The following MARCO variants were observed in gnomAD, a reference collection of about 807,000 sequenced individuals.
MARCO encodes the protein macrophage receptor with collagenous structure, also known as macrophage receptor MARCO.
In MARCO, 72 loss-of-function variants were observed where a neutral mutation model predicts 70.0. The observed-to-expected ratio is 1.03, with a 90% CI of 0.85 to 1.25. MARCO has a LOEUF of 1.25. Ranked by LOEUF, MARCO falls within the 50% of genes most tolerant of loss-of-function variation. The probability of loss-of-function intolerance (pLI) is 0.00; values close to 1 mark genes in which losing one functional copy is unlikely to be tolerated. For missense variants in MARCO, 696 were observed against 659.3 expected (o/e 1.06, Z -0.61); for synonymous variants, 273 against 243.1 (o/e 1.12, Z -1.14).
Position 118,993,313 on chromosome 2 carries a change from T to C in MARCO, c.1429+13T>C, listed in dbSNP as rs758308522. The stretch of plus-strand genomic sequence containing the variant: ...AAAGTGGGAGCTGGTAAGTGAGTCA[T>C]CAGCCGGGGGCCTCTTCCCCAGAGG... On this transcript the variant is annotated intron_variant, in intron 16 of 16. Transcript: ENST00000327097. 5.0e-6 allele frequency: 8 copies of C among 1,613,548 alleles called. No individual in the cohort carries two copies. Among genetic ancestry groups the C allele is most frequent in the Non-Finnish European group, 5.9e-6 (7 of 1,179,676 alleles).
At position 118,986,726 on chromosome 2, in the gene MARCO, G is replaced by GA. The variant is rs138583493; in HGVS notation, c.1064-3860dup. Among the ~76,000 whole-genome samples the GA allele has an allele frequency of 9.7e-4, 105 of 107,800 alleles. 11 individuals are homozygous for GA. Among genetic ancestry groups the GA allele is most frequent in the African/African-American group, 3.2e-3 (69 of 21,856 alleles). The allele number at this position is 107,800 out of a possible 152,430, so 70.7% of individuals were successfully genotyped here. On this transcript the variant is annotated intron_variant, in intron 12 of 16. Transcript: ENST00000327097. ...GAAAGAAAGAAAGAAAGAAAGAAAA[G>GA]AAAGAAAGAAAGAGAAAGAAAGAGA...
At position 118,969,148 on chromosome 2, in the gene MARCO, C is replaced by T; in HGVS notation, c.98-12C>T. 1 of 1,595,040 alleles carries T rather than the reference C, an allele frequency of 6.3e-7. No individual in the cohort carries two copies. Among genetic ancestry groups the T allele is most frequent in the Non-Finnish European group, 8.6e-7 (1 of 1,162,554 alleles). On this transcript the variant is annotated splice_polypyrimidine_tract_variant and intron_variant, in intron 1 of 16. Coordinates refer to ENST00000327097, the MANE Select transcript of MARCO (RefSeq NM_006770.4). ...TCTGCAGCAGCCTCCTTCCTCCTGGCTTGTGTTTCAGTTCCAAAGCCCAAG... is the reference window on the plus strand; with the variant it reads ...TCTGCAGCAGCCTCCTTCCTCCTGGTTTGTGTTTCAGTTCCAAAGCCCAAG...
Position 118,994,363 on chromosome 2 carries a change from G to A in MARCO, c.1430-24G>A, listed in dbSNP as rs1237128911. The A allele has an allele frequency of 1.2e-6, 2 of 1,613,908 alleles. No individual in the cohort carries two copies. The highest frequency in any genetic ancestry group is 3.3e-5 in the Admixed American group (2 of 60,024). On this transcript the variant is annotated intron_variant, in intron 16 of 16. Transcript: ENST00000327097. ...ACTCTAATCCTACCCTTCTTCCTCT[G>A]TCTCTTGCTTTCTCTCTATCAAGGC...
At chr2:118,952,154 G>A (rs1175877042) in intron 1 of MARCO, among the ~76,000 whole-genome samples, 1 of 152,112 alleles carries the variant, frequency 6.6e-6, no homozygotes, top group Non-Finnish European at 1.5e-5. Flanking sequence ...GTTTGTGTGA[G>A]GTTCAACCAC....
chr2:118,986,656 G>GAAAGAAAGAAAGAAAGAAA (rs1558671646), intron 12 of MARCO, among the ~76,000 whole-genome samples: 16 of 28,252 alleles, frequency 5.7e-4, no homozygotes, highest in South Asian at 2.3e-3. Context: ...AAAGAAAGAA[G>GAAAGAAAGAAAGAAAGAAA]GAAGGAAGGA....
chr2:118,953,228 G>T (rs755610169), intron 1 of MARCO, among the ~76,000 whole-genome samples: 1 of 152,212 alleles, frequency 6.6e-6, no homozygotes, highest in Non-Finnish European at 1.5e-5. Context: ...GCTGGAACGG[G>T]CCTGTGAGCA....
At chr2:118,962,437 C>T (rs187140762) in intron 1 of MARCO, among the ~76,000 whole-genome samples, 387 of 152,204 alleles carry the variant, frequency 2.5e-3, no homozygotes, top group African/African-American at 8.6e-3. Context: ...CCTTCACGTC[C>T]TCTATTAACT....
At chr2:118,983,776 T>C (rs771141457) in intron 12 of MARCO, among the ~76,000 whole-genome samples, 15 of 152,032 alleles carry the variant, frequency 9.9e-5, no homozygotes, top group Admixed American at 5.2e-4. Context: ...TGCTTTCATC[T>C]CTCGGTTGTA....
chr2:118,992,557 A>G, intron 15 of MARCO, 81 bp downstream of exon 15: 1 of 1,217,346 alleles, frequency 8.2e-7, no homozygotes, highest in Non-Finnish European at 1.2e-6. Flanking sequence ...GGGGGAAGAG[A>G]CCTTGGTTCT....
rs552906015 is a variant in MARCO, at chr2:118,971,482, C to A, written c.425-17C>A. The A allele has an allele frequency of 1.2e-6, 2 of 1,613,826 alleles. No homozygotes were observed. The highest frequency in any genetic ancestry group is 1.3e-5 in the African/African-American group (1 of 74,942). ...TACCCCACAGCTCAGCTGCAGCTCA[C>A]TCTCCTTCCCTTGCAGGGATGTTCA... is the stretch of plus-strand genomic sequence containing the variant. On this transcript the variant is annotated splice_polypyrimidine_tract_variant and intron_variant, in intron 3 of 16. Transcript: ENST00000327097.
At chr2:118,962,533 T>G (rs897636239) in intron 1 of MARCO, among the ~76,000 whole-genome samples, 1 of 151,978 alleles carries the variant, frequency 6.6e-6, no homozygotes, top group African/African-American at 2.4e-5. Flanking sequence ...TTACTGAAGA[T>G]TTTTGTGTCA....
At chr2:118,953,586 G>A (rs566890577) in intron 1 of MARCO, among the ~76,000 whole-genome samples, 1 of 152,138 alleles carries the variant, frequency 6.6e-6, no homozygotes, top group African/African-American at 2.4e-5. Context: ...CTAGATTTCT[G>A]CTCCAGACAG....
chr2:118,967,034 A>T (rs80280250), intron 1 of MARCO, among the ~76,000 whole-genome samples: 1,697 of 152,296 alleles, frequency 0.011, 23 homozygotes, highest in African/African-American at 0.037. Context: ...TCATCTTCCC[A>T]GCATGTTGTG....
At chr2:118,977,320 G>T in intron 6 of MARCO, 151 bp from the exon 7 acceptor site, 1 of 188,060 alleles carries the variant, frequency 5.3e-6, no homozygotes, top group East Asian at 1.3e-4. Flanking sequence ...GTGTGAAAAA[G>T]AGAGAGAGAG....
intron 1 of MARCO, among the ~76,000 whole-genome samples, chr2:118,948,886 C>T (rs964651947): frequency 6.6e-6 from 1 of 152,128 alleles, no homozygotes; most frequent in Non-Finnish European, 1.5e-5. Flanking sequence ...AAAAGTATTG[C>T]TCCAATTATT....
chr2:118,942,368 A>G lies in MARCO; in HGVS notation c.68A>G (p.Gln23Arg), dbSNP rs1416781641. Residue 23 changes from glutamine to arginine, a missense_variant, in exon 1 of 17, where the codon CAA (glutamine) becomes CGA (arginine). Coordinates refer to ENST00000327097, the MANE Select transcript of MARCO (RefSeq NM_006770.4). ...LSETQQAAFH[Q>R]IAMEPFEINV... Reference sequence around the variant, plus strand: ...GAGACCCAACAAGCTGCTTTTCACCAAATTGCAATGGAGCCTTTCGAAATC... The same window carrying G: ...GAGACCCAACAAGCTGCTTTTCACCGAATTGCAATGGAGCCTTTCGAAATC... 5 of 1,613,604 alleles carry G rather than the reference A, an allele frequency of 3.1e-6. No homozygotes were observed. In the South Asian group the frequency reaches 4.4e-5, roughly 14 times the overall value.
intron 6 of MARCO, among the ~76,000 whole-genome samples, chr2:118,976,135 T>A (rs1320872535): frequency 6.6e-6 from 1 of 152,116 alleles, no homozygotes; most frequent in East Asian, 1.9e-4. Context: ...AGCTGGAGCC[T>A]CCCCTTCTCT....
At position 118,954,342 on chromosome 2, in the gene MARCO, A is replaced by G. The variant is rs76200073; in HGVS notation, c.97+11945A>G. Among the ~76,000 whole-genome samples the G allele has an allele frequency of 5.5e-3, 832 of 152,284 alleles. 11 individuals are homozygous for G. The highest frequency in any genetic ancestry group is 0.019 in the African/African-American group (782 of 41,566). ...CCTGCATGACTCAGCAGAGGCAGCCATAATCCTTCTAGGTACACAACTCCA... is the reference window on the plus strand; with the variant it reads ...CCTGCATGACTCAGCAGAGGCAGCCGTAATCCTTCTAGGTACACAACTCCA... On this transcript the variant is annotated intron_variant, in intron 1 of 16. Coordinates refer to ENST00000327097, the MANE Select transcript of MARCO (RefSeq NM_006770.4).
chr2:118,948,523 A>G (rs1462220866), intron 1 of MARCO, among the ~76,000 whole-genome samples: 1 of 152,274 alleles, frequency 6.6e-6, no homozygotes, highest in Non-Finnish European at 1.5e-5. Context: ...ACAAAGAGTT[A>G]TTAACGCAAA....
Sources: gnomAD v4.1 joint callset for allele counts (sites outside exome capture counted in the v4.1 genomes callset) on GRCh38, gnomAD v4.1.1 for gene constraint, MANE v1.5 for transcripts, NCBI Gene and HGNC (gene_info 2026-07-23, HGNC 2026-07-21) for gene names.